The following GRIN2A variants were observed in gnomAD, a reference collection of about 807,000 sequenced individuals.
The protein encoded by GRIN2A is glutamate receptor ionotropic, NMDA 2A.
A neutral mutation model predicts 113.4 loss-of-function variants in GRIN2A; 22 were observed. The ratio of observed to expected loss-of-function variants is 0.19; its 90% CI spans 0.14 to 0.28. GRIN2A has a LOEUF of 0.28. GRIN2A is among the 10% of genes least tolerant of loss of function. GRIN2A has a pLI of 1.00. For synonymous variants in GRIN2A, 827 were observed against 738.4 expected, an observed-to-expected ratio of 1.12 and a Z score of -1.94; for missense variants, 1,502 against 1,887.0, an observed-to-expected ratio of 0.80 and a Z score of 3.78.
intron 2 of GRIN2A, among the ~76,000 whole-genome samples, chr16:10,042,416 G>T (rs1008706987): frequency 1.3e-5 from 2 of 151,998 alleles, no homozygotes; most frequent in Non-Finnish European, 2.9e-5. Context: ...AATAAATGAG[G>T]CCCCCTGCCA....
intron 1 of GRIN2A, chr16:10,181,570 G>A (rs1230151008): frequency 6.6e-6 from 1 of 152,262 alleles, no homozygotes; most frequent in African/African-American, 2.4e-5. Flanking sequence ...ACTGCGGCAG[G>A]TGCACAGCCC....
At chr16:10,138,097 G>A (rs575803025) in intron 2 of GRIN2A, among the ~76,000 whole-genome samples, 1 of 152,324 alleles carries the variant, frequency 6.6e-6, no homozygotes, top group East Asian at 1.9e-4. Flanking sequence ...GGTGGGCATG[G>A]CACTTTCCTC....
intron 3 of GRIN2A, among the ~76,000 whole-genome samples, chr16:9,897,776 T>C (rs185803771): frequency 9.6e-4 from 146 of 152,314 alleles, no homozygotes; most frequent in East Asian, 9.6e-4. Context: ...GAACAGCTGT[T>C]CTAGACTCTC....
intron 2 of GRIN2A, among the ~76,000 whole-genome samples, chr16:10,044,042 G>GAGAGAC (rs1305021906): frequency 6.1e-4 from 89 of 145,298 alleles, no homozygotes; most frequent in African/African-American, 1.9e-3. Context: ...GAGAGAGAGA[G>GAGAGAC]AGAGACAGAG....
chr16:9,856,252 C>T (rs1386784086), intron 4 of GRIN2A, among the ~76,000 whole-genome samples: 1 of 152,182 alleles, frequency 6.6e-6, no homozygotes, highest in Admixed American at 6.5e-5. Context: ...GTGAAAACCT[C>T]TAGAGCACAG....
At chr16:9,934,610 G>A (rs1186738675) in intron 3 of GRIN2A, among the ~76,000 whole-genome samples, 1 of 140,936 alleles carries the variant, frequency 7.1e-6, no homozygotes, top group Non-Finnish European at 1.5e-5. Flanking sequence ...AATCCAGGAG[G>A]CAGAGGTTGT....
intron 11 of GRIN2A, among the ~76,000 whole-genome samples, chr16:9,798,073 C>G (rs911295312): frequency 3.3e-5 from 5 of 152,184 alleles, no homozygotes; most frequent in Admixed American, 1.3e-4. Context: ...CCTTAGAATA[C>G]TTTTGTTTGT....
chr16:9,897,088 G>A (rs1177433732), intron 3 of GRIN2A, among the ~76,000 whole-genome samples: 1 of 151,806 alleles, frequency 6.6e-6, no homozygotes, highest in Non-Finnish European at 1.5e-5. Flanking sequence ...AAATAGAGAA[G>A]GGGAAGACTC....
At chr16:9,914,953 A>T (rs1184955830) in intron 3 of GRIN2A, among the ~76,000 whole-genome samples, 1 of 60,990 alleles carries the variant, frequency 1.6e-5, no homozygotes, top group African/African-American at 5.9e-5. Flanking sequence ...TTTTTTTTTA[A>T]TGAGACGGAA....
At chr16:9,875,420 C>T (rs1415431649) in intron 4 of GRIN2A, among the ~76,000 whole-genome samples, 6 of 152,168 alleles carry the variant, frequency 3.9e-5, no homozygotes, top group Admixed American at 3.9e-4. Context: ...GAATGGGAAG[C>T]TTCTGCTGCC....
Position 10,039,813 on chromosome 16 carries a change from A to AGAGAGAGAGAGAG in GRIN2A, c.415-101263_415-101262insCTCTCTCTCTCTC, listed in dbSNP as rs1555469303. ...GAGGGGGAGGGGGAGGGGGGGGAGA[A>AGAGAGAGAGAGAG]AGAGAGAGAGAGAGAGAGAGAGGAG... On this transcript the variant is annotated intron_variant, in intron 2 of 12. Coordinates refer to ENST00000330684, the MANE Select transcript of GRIN2A (RefSeq NM_001134407.3). 6.7e-3 allele frequency among the ~76,000 whole-genome samples: 493 copies of AGAGAGAGAGAGAG among 73,550 alleles called. 26 individuals are homozygous for AGAGAGAGAGAGAG. The highest frequency in any genetic ancestry group is 0.012 in the African/African-American group (184 of 15,010). The allele number at this position is 73,550 out of a possible 152,430, so 48.3% of individuals were successfully genotyped here. A position where few individuals can be genotyped will look rare whatever the true frequency, so the allele number is the denominator to read the frequency against.
intron 5 of GRIN2A, among the ~76,000 whole-genome samples, chr16:9,845,474 C>G (rs1222172001): frequency 6.6e-6 from 1 of 152,156 alleles, no homozygotes; most frequent in Non-Finnish European, 1.5e-5. Flanking sequence ...AAGTTAGACT[C>G]TGCTTTGTGC....
intron 2 of GRIN2A, among the ~76,000 whole-genome samples, chr16:10,076,494 A>C (rs2047875389): frequency 6.6e-6 from 1 of 152,142 alleles, no homozygotes; most frequent in Admixed American, 6.5e-5. Context: ...GTGGAGACAC[A>C]TGTCCGTGGC....
At chr16:9,834,467 C>T (rs2042552982) in intron 7 of GRIN2A, among the ~76,000 whole-genome samples, 1 of 152,140 alleles carries the variant, frequency 6.6e-6, no homozygotes, top group African/African-American at 2.4e-5. Flanking sequence ...CTGCAACCTC[C>T]GCCCCCCAGG....
chr16:9,933,752 G>A (rs1015988915), intron 3 of GRIN2A, among the ~76,000 whole-genome samples: 1 of 152,128 alleles, frequency 6.6e-6, no homozygotes, highest in African/African-American at 2.4e-5. Context: ...AAACCTAAAT[G>A]TCCATCAAAG....
intron 2 of GRIN2A, among the ~76,000 whole-genome samples, chr16:10,039,787 G>GA (rs1567253825): frequency 3.0e-5 from 3 of 99,646 alleles, no homozygotes; most frequent in African/African-American, 1.1e-4. Flanking sequence ...AGGGGGAGGG[G>GA]GAGGGGGAGG....
chr16:10,151,786 T>C (rs143978373), intron 2 of GRIN2A, among the ~76,000 whole-genome samples: 1,933 of 152,266 alleles, frequency 0.013, 40 homozygotes, highest in African/African-American at 0.044. Context: ...GTTCGAGGCA[T>C]TAAAGGCTCC....
intron 5 of GRIN2A, among the ~76,000 whole-genome samples, chr16:9,843,227 A>G (rs1238181940): frequency 6.6e-6 from 1 of 152,182 alleles, no homozygotes; most frequent in Non-Finnish European, 1.5e-5. Flanking sequence ...TAGTAAGTAC[A>G]TACTACTTAT....
chr16:9,954,632 A>C (rs1333911156), intron 2 of GRIN2A, among the ~76,000 whole-genome samples: 2 of 152,038 alleles, frequency 1.3e-5, no homozygotes, highest in African/African-American at 2.4e-5. Flanking sequence ...TGGCATACAA[A>C]CCCATCTCTC....
Sources: allele counts gnomAD v4.1 joint callset (sites outside exome capture counted in the v4.1 genomes callset), GRCh38; gene constraint gnomAD v4.1.1; transcripts MANE v1.5; gene names NCBI Gene and HGNC (gene_info 2026-07-23, HGNC 2026-07-21).